Variants in STK39 observed in about 807,000 individuals in gnomAD.
The protein encoded by STK39 is serine/threonine kinase 39.
STK39 carries 20 observed loss-of-function variants against 77.8 expected under a neutral mutation model. That is an observed-to-expected ratio of 0.26 (90% CI 0.18 to 0.37). The LOEUF (loss-of-function observed/expected upper bound fraction) is 0.37. STK39 is among the 10% of genes least tolerant of loss of function. The pLI is 1.00. For synonymous variants in STK39, 246 were observed against 234.1 expected (o/e 1.05, Z -0.47); for missense variants, 479 against 656.5 (o/e 0.73, Z 2.95).
At chr2:168,099,107 G>A (rs1231447550) in intron 10 of STK39, among the ~76,000 whole-genome samples, 1 of 152,216 alleles carries the variant, frequency 6.6e-6, no homozygotes, top group African/African-American at 2.4e-5. Context: ...GGCAAGCCTT[G>A]AGAAGCCACC....
chr2:168,066,494 T>A (rs1574435333), intron 12 of STK39, among the ~76,000 whole-genome samples: 5 of 152,268 alleles, frequency 3.3e-5, no homozygotes, highest in Admixed American at 3.3e-4. Context: ...CTACTTCAAA[T>A]GATCTCTTGC....
At chr2:168,071,615 C>T (rs140361894) in intron 12 of STK39, among the ~76,000 whole-genome samples, 3,030 of 152,158 alleles carry the variant, frequency 0.02, 108 homozygotes, top group African/African-American at 0.07. Flanking sequence ...GGCACAGTGG[C>T]TCACGCTTGT....
chr2:167,964,524 C>A, intron 17 of STK39, 138 bp downstream of exon 17: 2 of 780,030 alleles, frequency 2.6e-6, no homozygotes, highest in Non-Finnish European at 4.2e-6. Context: ...GAGTCAAATG[C>A]TTCCAAATGC....
At chr2:168,123,998 C>T (rs971384701) in intron 10 of STK39, among the ~76,000 whole-genome samples, 7 of 152,096 alleles carry the variant, frequency 4.6e-5, no homozygotes, top group Admixed American at 2.6e-4. Context: ...TCCAGTGGGG[C>T]CAAGGGCCTT....
At chr2:168,180,409 C>G (rs1373582483) in intron 2 of STK39, among the ~76,000 whole-genome samples, 2 of 151,822 alleles carry the variant, frequency 1.3e-5, no homozygotes, top group Non-Finnish European at 2.9e-5. Context: ...TACATCCAAA[C>G]AGTACATATA....
At chr2:167,998,744 T>C (rs1683916650) in intron 16 of STK39, among the ~76,000 whole-genome samples, 1 of 152,208 alleles carries the variant, frequency 6.6e-6, no homozygotes, top group Non-Finnish European at 1.5e-5. Flanking sequence ...AAACATTAAA[T>C]TACAAATCGC....
chr2:168,185,649 T>A (rs1476887239), intron 1 of STK39, among the ~76,000 whole-genome samples: 1 of 152,250 alleles, frequency 6.6e-6, no homozygotes, highest in Non-Finnish European at 1.5e-5. Context: ...CTAAGGTCTA[T>A]GTGAAATTAA....
In STK39 at chr2:168,128,454, G is replaced by A. The variant is rs187410747; in HGVS notation, c.1089+1087C>T. ...ATGGACTGTCTGCTCAGCGCTCCCT[G>A]TCCCCTCAGAGACCAACTGGGCTCA... On this transcript the variant is annotated intron_variant, in intron 10 of 17. Coordinates refer to ENST00000355999, the MANE Select transcript of STK39 (RefSeq NM_013233.3). Among the ~76,000 whole-genome samples the A allele has an allele frequency of 2.1e-4, 32 of 152,176 alleles. No individual in the cohort carries two copies. The East Asian group carries it at 6.0e-3, about 29-fold the overall frequency.
intron 1 of STK39, among the ~76,000 whole-genome samples, chr2:168,187,241 C>T (rs765835260): frequency 2.0e-5 from 3 of 151,914 alleles, no homozygotes; most frequent in Non-Finnish European, 4.4e-5. Context: ...ATCCCAGCTA[C>T]TCAGGAGGGT....
chr2:168,185,335 A>G (rs1178284454), intron 1 of STK39, among the ~76,000 whole-genome samples: 1 of 152,192 alleles, frequency 6.6e-6, no homozygotes, highest in Non-Finnish European at 1.5e-5. Context: ...AAATCTTTTC[A>G]GTTCACTCTT....
chr2:168,221,573 C>G (rs1486292690), intron 1 of STK39, among the ~76,000 whole-genome samples: 1 of 152,142 alleles, frequency 6.6e-6, no homozygotes, highest in Non-Finnish European at 1.5e-5. Flanking sequence ...AAATCCCTTC[C>G]TTTAGGATCA....
chr2:168,195,233 C>T (rs911165601), intron 1 of STK39, among the ~76,000 whole-genome samples: 5 of 152,060 alleles, frequency 3.3e-5, no homozygotes, highest in Non-Finnish European at 5.9e-5. Context: ...CCCGTCCCTA[C>T]AAAAATTTTT....
At chr2:167,964,174 T>C (rs1367526240) in intron 17 of STK39, 2 of 155,362 alleles carry the variant, frequency 1.3e-5, no homozygotes, top group East Asian at 3.8e-4. Context: ...TGATTTGAAA[T>C]GTGGAAGTAA....
intron 16 of STK39, among the ~76,000 whole-genome samples, chr2:168,009,592 T>C (rs77947577): frequency 0.063 from 9,562 of 152,240 alleles, 1,042 homozygotes; most frequent in African/African-American, 0.21. Context: ...GTCTACAACA[T>C]AGTGATTAAA....
intron 16 of STK39, among the ~76,000 whole-genome samples, chr2:167,983,187 T>A (rs776993534): frequency 3.3e-5 from 5 of 152,042 alleles, no homozygotes; most frequent in African/African-American, 1.2e-4. Context: ...GCATAGAAAT[T>A]GTAGGAAATA....
At chr2:168,234,734 A>G (rs1690552564) in intron 1 of STK39, among the ~76,000 whole-genome samples, 2 of 152,350 alleles carry the variant, frequency 1.3e-5, no homozygotes, top group African/African-American at 4.8e-5. Flanking sequence ...TGTTACATAA[A>G]CATGCCCTGA....
In STK39 at chr2:168,030,951, C is replaced by G. The variant is rs111628971; in HGVS notation, c.1377-13856G>C. On this transcript the variant is annotated intron_variant, in intron 14 of 17. Coordinates refer to ENST00000355999, the MANE Select transcript of STK39 (RefSeq NM_013233.3). ...ACATCAGGGCACACTTGCCAGGAGA[C>G]CGGATGAGGACAGGACTTTTCATGC... Among the ~76,000 whole-genome samples the G allele has an allele frequency of 3.9e-3, 588 of 152,290 alleles. 4 individuals are homozygous for G. The highest frequency in any genetic ancestry group is 6.9e-3 in the Non-Finnish European group (468 of 68,032).
At chr2:168,113,479 T>C (rs1254779597) in intron 10 of STK39, among the ~76,000 whole-genome samples, 1 of 152,200 alleles carries the variant, frequency 6.6e-6, no homozygotes, top group Non-Finnish European at 1.5e-5. Context: ...TCCAGTGACA[T>C]TCAGAGTGAA....
chr2:168,038,095 A>T (rs4668006), intron 14 of STK39, among the ~76,000 whole-genome samples: 40,285 of 152,084 alleles, frequency 0.26, 5,922 homozygotes, highest in Non-Finnish European at 0.33. Flanking sequence ...ATTTGGAGAA[A>T]TGTTACCTAT....
Sources: allele counts gnomAD v4.1 joint callset (sites outside exome capture counted in the v4.1 genomes callset), GRCh38; gene constraint gnomAD v4.1.1; transcripts MANE v1.5; gene names NCBI Gene and HGNC (gene_info 2026-07-23, HGNC 2026-07-21).